Variants in PTPRR observed in about 807,000 individuals in gnomAD.
The protein encoded by PTPRR is protein tyrosine phosphatase receptor type R.
A neutral mutation model predicts 77.2 loss-of-function variants in PTPRR; 38 were observed. The ratio of observed to expected loss-of-function variants is 0.49; its 90% CI spans 0.38 to 0.65. PTPRR has a LOEUF of 0.65. Ranked by LOEUF, PTPRR falls within the 30% of genes least tolerant of loss-of-function variation. The pLI is 0.00. For missense variants in PTPRR, 744 were observed against 799.2 expected (o/e 0.93, Z 0.83); for synonymous variants, 299 against 283.1 (o/e 1.06, Z -0.57).
intron 2 of PTPRR, among the ~76,000 whole-genome samples, chr12:70,890,007 T>A (rs539669420): frequency 6.6e-6 from 1 of 152,336 alleles, no homozygotes; most frequent in African/African-American, 2.4e-5. Context: ...TGGCCTGTAG[T>A]TGCTACCATT....
chr12:70,879,081 A>G (rs1185104760), intron 2 of PTPRR, among the ~76,000 whole-genome samples: 12 of 152,040 alleles, frequency 7.9e-5, no homozygotes, highest in Non-Finnish European at 1.5e-5. Context: ...GAAGGGGAAC[A>G]TCACACACCA....
chr12:70,660,805 A>G, intron 12 of PTPRR, 135 bp downstream of exon 12: 1 of 898,892 alleles, frequency 1.1e-6, no homozygotes, highest in Non-Finnish European at 1.6e-6. Flanking sequence ...CAAATATTAC[A>G]GACTTAACCA....
Position 70,722,187 on chromosome 12 carries a change from C to G in PTPRR, c.1008-20864G>C, listed in dbSNP as rs564100662. 2.6e-5 allele frequency among the ~76,000 whole-genome samples: 4 copies of G among 152,220 alleles called. No individual in the cohort carries two copies. The East Asian group carries it at 7.7e-4, about 29-fold the overall frequency. The stretch of plus-strand genomic sequence containing the variant: ...TTTTAGGTCTTGTGCCTAGGACTTG[C>G]AAATGCCTCGGGTGAATAAGAATGC... On this transcript the variant is annotated intron_variant, in intron 6 of 13. Coordinates refer to ENST00000283228, the MANE Select transcript of PTPRR (RefSeq NM_002849.4).
chr12:70,760,084 A>G (rs1162896069), intron 4 of PTPRR, among the ~76,000 whole-genome samples: 2 of 152,208 alleles, frequency 1.3e-5, no homozygotes, highest in African/African-American at 4.8e-5. Flanking sequence ...CAATGATGAC[A>G]TATATTCTCA....
At chr12:70,866,017 TG>T (rs1415120784) in intron 2 of PTPRR, among the ~76,000 whole-genome samples, 3 of 152,072 alleles carry the variant, frequency 2.0e-5, no homozygotes, top group Non-Finnish European at 4.4e-5. Context: ...CCAGAATCTC[TG>T]GGACACATTC....
At chr12:70,836,305 TG>T (rs1439690527) in intron 2 of PTPRR, among the ~76,000 whole-genome samples, 1 of 133,974 alleles carries the variant, frequency 7.5e-6, no homozygotes, top group Non-Finnish European at 1.6e-5. Context: ...TCAAGACATG[TG>T]TTTTTTTTTT....
At chr12:70,842,971 A>G (rs1278327876) in intron 2 of PTPRR, among the ~76,000 whole-genome samples, 1 of 152,216 alleles carries the variant, frequency 6.6e-6, no homozygotes, top group African/African-American at 2.4e-5. Flanking sequence ...TTGTGCAGAT[A>G]GGCACTACTT....
intron 1 of PTPRR, among the ~76,000 whole-genome samples, chr12:70,913,313 A>T (rs1214616120): frequency 2.0e-5 from 3 of 152,104 alleles, no homozygotes; most frequent in Non-Finnish European, 4.4e-5. Flanking sequence ...ATTTTGTGTG[A>T]TGATTTGGTT....
chr12:70,866,765 T>C (rs988352140), intron 2 of PTPRR, among the ~76,000 whole-genome samples: 3 of 152,274 alleles, frequency 2.0e-5, no homozygotes, highest in African/African-American at 7.2e-5. Flanking sequence ...TTGATGAACA[T>C]TGATGCAAAA....
At chr12:70,725,822 G>T (rs1349248435) in intron 6 of PTPRR, among the ~76,000 whole-genome samples, 1 of 151,954 alleles carries the variant, frequency 6.6e-6, no homozygotes, top group African/African-American at 2.4e-5. Flanking sequence ...TAAATATCTG[G>T]CTCTCTGAGA....
chr12:70,684,007 G>T, intron 10 of PTPRR, 120 bp downstream of exon 10: 2 of 1,077,484 alleles, frequency 1.9e-6, no homozygotes, highest in Non-Finnish European at 2.6e-6. Flanking sequence ...AAGTGACTTA[G>T]CCTTTAAATG....
At chr12:70,702,398 C>T (rs573508103) in intron 6 of PTPRR, among the ~76,000 whole-genome samples, 9 of 151,974 alleles carry the variant, frequency 5.9e-5, no homozygotes, top group South Asian at 4.2e-4. Context: ...AAGCAGTTGG[C>T]GGCTCAAGGA....
chr12:70,884,127 T>C (rs1171474863), intron 2 of PTPRR, among the ~76,000 whole-genome samples: 1 of 152,176 alleles, frequency 6.6e-6, no homozygotes, highest in Non-Finnish European at 1.5e-5. Context: ...TTCTAGGGAC[T>C]TTTAGCTTTT....
At position 70,799,117 on chromosome 12, in the gene PTPRR, T is replaced by C. The variant is rs575248242; in HGVS notation, c.358-34339A>G. On this transcript the variant is annotated intron_variant, in intron 2 of 13. Transcript: ENST00000283228. The stretch of plus-strand genomic sequence containing the variant: ...AGAGAAAGACAAGTCTAAGATCCGC[T>C]TACCTCCCTGACCATACCTGTACAC... Among the ~76,000 whole-genome samples the C allele has an allele frequency of 2.6e-5, 4 of 152,288 alleles. No homozygotes were observed. The South Asian group carries it at 8.3e-4, about 32-fold the overall frequency.
At chr12:70,787,171 A>C (rs1891340382) in intron 2 of PTPRR, among the ~76,000 whole-genome samples, 1 of 152,208 alleles carries the variant, frequency 6.6e-6, no homozygotes, top group Non-Finnish European at 1.5e-5. Context: ...TACCACAATA[A>C]GAGTCTTCTT....
At chr12:70,639,347 C>A in intron 13 of PTPRR, 70 bp from the exon 14 acceptor site, 1 of 1,542,070 alleles carries the variant, frequency 6.5e-7, no homozygotes, top group Non-Finnish European at 8.9e-7. Context: ...ACAGAGATTT[C>A]ATCCAAGCTA....
At chr12:70,659,846 C>G (rs1176290476) in intron 12 of PTPRR, among the ~76,000 whole-genome samples, 1 of 151,922 alleles carries the variant, frequency 6.6e-6, no homozygotes, top group Non-Finnish European at 1.5e-5. Context: ...TGCGGTTAAA[C>G]AAAGCAACCC....
intron 4 of PTPRR, among the ~76,000 whole-genome samples, chr12:70,755,701 T>C (rs1890545900): frequency 6.6e-6 from 1 of 152,064 alleles, no homozygotes; most frequent in African/African-American, 2.4e-5. Context: ...CAAGAAATGA[T>C]TTAGATATGT....
At chr12:70,839,202 C>G (rs1262682650) in intron 2 of PTPRR, among the ~76,000 whole-genome samples, 1 of 152,132 alleles carries the variant, frequency 6.6e-6, no homozygotes, top group East Asian at 1.9e-4. Context: ...ACTCATAGAT[C>G]AGAACTATCC....
Sources: allele counts gnomAD v4.1 joint callset (sites outside exome capture counted in the v4.1 genomes callset), GRCh38; gene constraint gnomAD v4.1.1; transcripts MANE v1.5; gene names NCBI Gene and HGNC (gene_info 2026-07-23, HGNC 2026-07-21).